IL1RAPL2: variants seen among roughly 807,000 people sequenced by gnomAD.
The protein encoded by IL1RAPL2 is interleukin 1 receptor accessory protein like 2.
A neutral mutation model predicts 44.1 loss-of-function variants in IL1RAPL2; 3 were observed. The observed-to-expected ratio is 0.07, with a 90% CI of 0.03 to 0.18. The LOEUF (loss-of-function observed/expected upper bound fraction) is 0.18, where lower values mean the gene tolerates loss of function less well. Ranked by LOEUF, IL1RAPL2 falls within the 10% of genes least tolerant of loss-of-function variation. The probability of loss-of-function intolerance (pLI) is 1.00; values close to 1 mark genes in which losing one functional copy is unlikely to be tolerated. For synonymous variants in IL1RAPL2, 181 were observed against 178.8 expected, an observed-to-expected ratio of 1.01 and a Z score of -0.10; for missense variants, 391 against 496.4, an observed-to-expected ratio of 0.79 and a Z score of 2.02.
chrX:104,990,434 G>A (rs2030641231), intron 2 of IL1RAPL2, among the ~76,000 whole-genome samples: 1 of 110,264 alleles, frequency 9.1e-6, no homozygotes. Flanking sequence ...TTTTAACAAT[G>A]GTAGCATTCT....
intron 5 of IL1RAPL2, among the ~76,000 whole-genome samples, chrX:105,473,032 A>G (rs1176308111): frequency 9.0e-6 from 1 of 111,556 alleles, no homozygotes; most frequent in East Asian, 2.8e-4. Context: ...TAATTTCCTC[A>G]ACCACAACAA....
chrX:104,934,434 T>C (rs1156493740), intron 2 of IL1RAPL2, among the ~76,000 whole-genome samples: 1 of 111,296 alleles, frequency 9.0e-6, no homozygotes, highest in Non-Finnish European at 1.9e-5. Context: ...CAACCACAGA[T>C]GATTATTATC....
intron 6 of IL1RAPL2, among the ~76,000 whole-genome samples, chrX:105,556,792 G>T (rs1178485607): frequency 1.8e-5 from 2 of 111,704 alleles, no homozygotes; most frequent in Admixed American, 1.9e-4. Flanking sequence ...TTTAGTGGAA[G>T]ATTTACCCTG....
intron 2 of IL1RAPL2, among the ~76,000 whole-genome samples, chrX:105,133,720 C>T (rs2033050371): frequency 9.0e-6 from 1 of 111,418 alleles, no homozygotes. Flanking sequence ...TGGTGAGGAC[C>T]TGTTCCTCAT....
chrX:105,040,623 T>A (rs1435084955), intron 2 of IL1RAPL2, among the ~76,000 whole-genome samples: 1 of 110,440 alleles, frequency 9.1e-6, no homozygotes, highest in Non-Finnish European at 1.9e-5. Context: ...AGTGTATGTG[T>A]CAAGGAATTT....
chrX:104,991,157 C>T (rs185728517), intron 2 of IL1RAPL2, among the ~76,000 whole-genome samples: 152 of 111,540 alleles, frequency 1.4e-3, no homozygotes, highest in Non-Finnish European at 2.5e-3. Context: ...AGACTTTGAA[C>T]ATTTTTAGTC....
chrX:104,798,288 T>C (rs1932863292), intron 2 of IL1RAPL2, among the ~76,000 whole-genome samples: 1 of 110,523 alleles, frequency 9.0e-6, no homozygotes, highest in African/African-American at 3.3e-5. Context: ...AGTATAATTA[T>C]AGGTATCAGC....
chrX:105,033,125 G>A (rs1027392669), intron 2 of IL1RAPL2, among the ~76,000 whole-genome samples: 3 of 111,254 alleles, frequency 2.7e-5, no homozygotes, highest in Admixed American at 9.6e-5. Context: ...GTCTCTGCAC[G>A]TGAGATGGGT....
In IL1RAPL2 at chrX:105,608,900, T is replaced by C. The variant is rs187598974; in HGVS notation, c.773-108467T>C. Reference sequence around the variant, plus strand: ...AAATCCAAACTGCCATGCCTGCTATTCTAGCTTGATGATTCACCACAAATT... The same window carrying C: ...AAATCCAAACTGCCATGCCTGCTATCCTAGCTTGATGATTCACCACAAATT... On this transcript the variant is annotated intron_variant, in intron 6 of 10. Transcript: ENST00000372582. Among the ~76,000 whole-genome samples the C allele has an allele frequency of 1.3e-4, 14 of 111,949 alleles. No individual in the cohort carries two copies. In the East Asian group the frequency reaches 3.9e-3, roughly 32 times the overall value.
chrX:105,166,013 CACACTT>C (rs1488540343), intron 2 of IL1RAPL2, among the ~76,000 whole-genome samples: 2 of 111,752 alleles, frequency 1.8e-5, no homozygotes, highest in Non-Finnish European at 3.8e-5. Context: ...TATTGGCTCT[CACACTT>C]ACCAGTAAAG....
At chrX:104,781,316 C>T (rs5916830) in intron 2 of IL1RAPL2, among the ~76,000 whole-genome samples, 40,640 of 110,319 alleles carry the variant, frequency 0.37, 5,890 homozygotes, top group East Asian at 0.47. Flanking sequence ...CTCCTGAAGG[C>T]CTGCAGCTAG....
chrX:104,833,844 G>A (rs73245710), intron 2 of IL1RAPL2, among the ~76,000 whole-genome samples: 383 of 112,182 alleles, frequency 3.4e-3, no homozygotes, highest in Non-Finnish European at 5.8e-3. Flanking sequence ...ATGAAGTTAA[G>A]AATCAACATT....
chrX:104,815,131 A>G (rs1921099668), intron 2 of IL1RAPL2, among the ~76,000 whole-genome samples: 1 of 111,859 alleles, frequency 8.9e-6, no homozygotes, highest in Non-Finnish European at 1.9e-5. Flanking sequence ...TCAATAGTGG[A>G]GAAAAAAGAA....
intron 2 of IL1RAPL2, among the ~76,000 whole-genome samples, chrX:104,712,261 A>G (rs907512755): frequency 9.0e-6 from 1 of 110,566 alleles, no homozygotes; most frequent in East Asian, 2.9e-4. Context: ...GGACCAATTT[A>G]ATGGGGTTTA....
intron 2 of IL1RAPL2, among the ~76,000 whole-genome samples, chrX:104,892,992 G>A (rs1490235390): frequency 1.8e-5 from 2 of 111,835 alleles, no homozygotes; most frequent in Admixed American, 9.5e-5. Flanking sequence ...GGTATGTTGT[G>A]TCTTTTTTCT....
chrX:104,851,648 G>A (rs1052176972), intron 2 of IL1RAPL2, among the ~76,000 whole-genome samples: 13 of 111,757 alleles, frequency 1.2e-4, no homozygotes, highest in African/African-American at 4.2e-4. Flanking sequence ...TGTCTGAGGT[G>A]AGTTCATTTT....
chrX:105,040,275 C>T (rs141685953), intron 2 of IL1RAPL2, among the ~76,000 whole-genome samples: 7,555 of 111,153 alleles, frequency 0.068, 695 homozygotes, highest in African/African-American at 0.24. Flanking sequence ...CTGCTGGATT[C>T]GGATTGCCAG....
chrX:104,682,790 G>C (rs751342092), intron 2 of IL1RAPL2, among the ~76,000 whole-genome samples: 1 of 112,302 alleles, frequency 8.9e-6, no homozygotes, highest in African/African-American at 3.2e-5. Context: ...TAGGGGAGAA[G>C]AAGTAATCCG....
At chrX:105,173,106 T>A (rs1362863778) in intron 2 of IL1RAPL2, among the ~76,000 whole-genome samples, 1 of 110,713 alleles carries the variant, frequency 9.0e-6, no homozygotes, top group Non-Finnish European at 1.9e-5. Flanking sequence ...TTCTGGGACT[T>A]AAGATTTTCC....
Sources: gnomAD v4.1 joint callset for allele counts (sites outside exome capture counted in the v4.1 genomes callset) on GRCh38, gnomAD v4.1.1 for gene constraint, MANE v1.5 for transcripts, NCBI Gene and HGNC (gene_info 2026-07-23, HGNC 2026-07-21) for gene names.